RUNX2: variants seen among roughly 807,000 people sequenced by gnomAD.
RUNX2 encodes the protein RUNX family transcription factor 2, also known as runt-related transcription factor 2.
RUNX2 carries 10 observed loss-of-function variants against 51.7 expected under a neutral mutation model. The observed-to-expected ratio is 0.19, with a 90% CI of 0.12 to 0.33. The LOEUF is 0.33. Among genes scored for constraint, RUNX2 ranks in the 10% least tolerant of loss-of-function variants. The pLI is 1.00. For missense variants in RUNX2, 562 were observed against 691.3 expected, an observed-to-expected ratio of 0.81 and a Z score of 2.10; for synonymous variants, 276 against 273.6, an observed-to-expected ratio of 1.01 and a Z score of -0.09.
chr6:45,408,089 A>G (rs1244700312), intron 2 of RUNX2, among the ~76,000 whole-genome samples: 2 of 152,110 alleles, frequency 1.3e-5, no homozygotes, highest in Non-Finnish European at 2.9e-5. Context: ...TACATCTCTT[A>G]AGGATTTGAA....
chr6:45,328,851 G>C, intron 2 of RUNX2, 67 bp downstream of exon 2: 1 of 1,493,680 alleles, frequency 6.7e-7, no homozygotes, highest in Non-Finnish European at 9.3e-7. Context: ...ATGATTCTTT[G>C]ATAAACTGCT....
At chr6:45,372,067 T>C (rs1796146016) in intron 2 of RUNX2, 1 of 941,714 alleles carries the variant, frequency 1.1e-6, no homozygotes, top group Non-Finnish European at 1.3e-6. Flanking sequence ...GCCTCCACAA[T>C]GTGTATGTCA....
At chr6:45,385,658 G>C (rs1339647876) in intron 2 of RUNX2, among the ~76,000 whole-genome samples, 1 of 152,200 alleles carries the variant, frequency 6.6e-6, no homozygotes, top group Non-Finnish European at 1.5e-5. Flanking sequence ...CCAGCACTTT[G>C]GGAGGCCAAG....
At chr6:45,329,716 T>C (rs1320012783) in intron 2 of RUNX2, among the ~76,000 whole-genome samples, 1 of 151,966 alleles carries the variant, frequency 6.6e-6, no homozygotes, top group Non-Finnish European at 1.5e-5. Flanking sequence ...TTAAAAGAAG[T>C]AGGCATAATC....
At chr6:45,502,709 G>A (rs1800833349) in intron 6 of RUNX2, among the ~76,000 whole-genome samples, 1 of 152,156 alleles carries the variant, frequency 6.6e-6, no homozygotes, top group African/African-American at 2.4e-5. Context: ...ACCCTTTCCT[G>A]CACGCCTGGT....
intron 5 of RUNX2, among the ~76,000 whole-genome samples, chr6:45,481,309 CT>C (rs1239325310): frequency 2.0e-5 from 3 of 152,100 alleles, no homozygotes; most frequent in Admixed American, 6.6e-5. Context: ...AACAGTGATG[CT>C]TTTTGTTCAA....
chr6:45,488,232 T>G (rs547788007), intron 5 of RUNX2, among the ~76,000 whole-genome samples: 36 of 152,116 alleles, frequency 2.4e-4, no homozygotes, highest in Non-Finnish European at 4.4e-4. Context: ...GAGTGAGAGA[T>G]AAGGAGAAAT....
At chr6:45,418,117 C>G (rs1798102902) in intron 2 of RUNX2, among the ~76,000 whole-genome samples, 1 of 152,160 alleles carries the variant, frequency 6.6e-6, no homozygotes, top group African/African-American at 2.4e-5. Context: ...ACTTTAATAG[C>G]TGGTCCATTG....
chr6:45,547,282 G>A lies in RUNX2; in HGVS notation c.1543G>A (p.Glu515Lys). 6.2e-7 allele frequency: 1 copy of A among 1,614,144 alleles called. No individual in the cohort carries two copies. The highest frequency in any genetic ancestry group is 8.5e-7 in the Non-Finnish European group (1 of 1,179,994). The change falls in exon 9 of 9, where the codon GAA becomes AAA. Residue 515 changes from glutamate (E) to lysine (K), a missense_variant. Physicochemically the swap from Glu to Lys is moderately conservative, Grantham distance 56 (BLOSUM62 1). Coordinates refer to ENST00000647337, the MANE Select transcript of RUNX2 (RefSeq NM_001024630.4). ...TTTGAATTCTAGTGGCAGAATGGATGAATCTGTTTGGCGACCATATTGAAA... is the reference window on the plus strand; with the variant it reads ...TTTGAATTCTAGTGGCAGAATGGATAAATCTGTTTGGCGACCATATTGAAA... ...TVLNSSGRMD[E>K]SVWRPY
At chr6:45,415,209 G>A (rs963093887) in intron 2 of RUNX2, among the ~76,000 whole-genome samples, 1 of 152,142 alleles carries the variant, frequency 6.6e-6, no homozygotes, top group Non-Finnish European at 1.5e-5. Flanking sequence ...AATAAGAAAA[G>A]TTTAATGTGA....
Position 45,328,647 on chromosome 6 carries a change from G to T in RUNX2, c.-66-14G>T, listed in dbSNP as rs768238770. On this transcript the variant is annotated splice_polypyrimidine_tract_variant and intron_variant, in intron 1 of 8. Transcript: ENST00000647337. ...AAAACTAAAACAAGGTTTGGGTATG[G>T]TTTGTATTTTCAGTTTAAGGCTGCA... 47 of 1,610,382 alleles carry T rather than the reference G, an allele frequency of 2.9e-5. No homozygotes were observed. In the South Asian group the frequency reaches 5.1e-4, roughly 17 times the overall value.
At chr6:45,538,013 T>C (rs1802089649) in intron 7 of RUNX2, among the ~76,000 whole-genome samples, 2 of 152,230 alleles carry the variant, frequency 1.3e-5, no homozygotes, top group South Asian at 4.1e-4. Flanking sequence ...TAAATAACGT[T>C]TTAACTTACT....
chr6:45,478,093 T>C (rs1800007000), intron 5 of RUNX2, among the ~76,000 whole-genome samples: 1 of 152,226 alleles, frequency 6.6e-6, no homozygotes, highest in South Asian at 2.1e-4. Context: ...TTAAGTCTAC[T>C]CAAACGCTGT....
chr6:45,448,329 GGAGCAGGAATCCTTAGATAT>G (rs1303036476), intron 5 of RUNX2, among the ~76,000 whole-genome samples: 1 of 152,182 alleles, frequency 6.6e-6, no homozygotes, highest in African/African-American at 2.4e-5. Flanking sequence ...CTGAGCAACC[GGAGCAGGAATCCTTAGATAT>G]TGGTGTCCAC....
chr6:45,540,010 C>G (rs1353078561), intron 7 of RUNX2, among the ~76,000 whole-genome samples: 1 of 152,118 alleles, frequency 6.6e-6, no homozygotes, highest in Non-Finnish European at 1.5e-5. Context: ...AGCTTTGAGC[C>G]AGAGCTCGCT....
intron 2 of RUNX2, among the ~76,000 whole-genome samples, chr6:45,415,531 G>A (rs577857694): frequency 1.2e-4 from 18 of 152,296 alleles, no homozygotes; most frequent in African/African-American, 4.3e-4. Flanking sequence ...AGGAGGGGAG[G>A]GTGCTGGGGG....
Position 45,512,359 on chromosome 6 carries a change from C to G in RUNX2, c.973C>G (p.Arg325Gly), listed in dbSNP as rs751400416. 4.3e-6 allele frequency: 7 copies of G among 1,614,148 alleles called. No individual in the cohort carries two copies. Among genetic ancestry groups the G allele is most frequent in the Non-Finnish European group, 5.9e-6 (7 of 1,180,022 alleles). The change falls in exon 7 of 9, where the codon CGG becomes GGG. Residue 325 changes from arginine to glycine, a missense_variant. Arg to Gly is a moderately radical substitution (Grantham distance 125). Coordinates refer to ENST00000647337, the MANE Select transcript of RUNX2 (RefSeq NM_001024630.4). The stretch of plus-strand genomic sequence containing the variant: ...CTCTACCACCCCGCTGTCTTCCACA[C>G]GGGGCACTGGGCTTCCTGCCATCAC... ...IHSTTPLSST[R>G]GTGLPAITDV...
intron 6 of RUNX2, among the ~76,000 whole-genome samples, chr6:45,495,180 C>A (rs1309152145): frequency 6.6e-6 from 1 of 152,180 alleles, no homozygotes; most frequent in African/African-American, 2.4e-5. Flanking sequence ...TCTTTTCTAC[C>A]CTGCTACATT....
Position 45,545,297 on chromosome 6 carries a change from A to T in RUNX2, c.1087+15A>T. On this transcript the variant is annotated intron_variant, in intron 8 of 8. Coordinates refer to ENST00000647337, the MANE Select transcript of RUNX2 (RefSeq NM_001024630.4). ...GAGCCAGGCAGGTGAGACTTTTAAC[A>T]ATTGCTGGGCTGGGCAGGGCTGGGC... 1 of 1,550,332 alleles carries T rather than the reference A, an allele frequency of 6.5e-7. No individual in the cohort carries two copies. The highest frequency in any genetic ancestry group is 8.7e-7 in the Non-Finnish European group (1 of 1,146,778).
Sources: allele counts gnomAD v4.1 joint callset (sites outside exome capture counted in the v4.1 genomes callset), GRCh38; gene constraint gnomAD v4.1.1; transcripts MANE v1.5; gene names NCBI Gene and HGNC (gene_info 2026-07-23, HGNC 2026-07-21).